CCDC178: variants seen among roughly 807,000 people sequenced by gnomAD.
CCDC178 encodes coiled-coil domain-containing protein 178.
In CCDC178, 126 loss-of-function variants were observed where a neutral mutation model predicts 117.4. The ratio of observed to expected loss-of-function variants is 1.07; its 90% CI spans 0.93 to 1.24. The LOEUF (loss-of-function observed/expected upper bound fraction) is 1.24, where lower values mean the gene tolerates loss of function less well. CCDC178 is among the 50% of genes most tolerant of loss of function. The pLI is 0.00. For missense variants in CCDC178, 1,030 were observed against 986.9 expected (o/e 1.04, Z -0.59); for synonymous variants, 283 against 313.4 (o/e 0.90, Z 1.02).
chr18:33,277,786 A>G (rs1212722919), intron 12 of CCDC178, among the ~76,000 whole-genome samples: 6 of 152,140 alleles, frequency 3.9e-5, no homozygotes, highest in Admixed American at 2.6e-4. Context: ...CAGCCAAAAG[A>G]AAGTTATGCT....
chr18:33,180,594 TCA>T (rs2058723009), intron 20 of CCDC178, among the ~76,000 whole-genome samples: 1 of 152,026 alleles, frequency 6.6e-6, no homozygotes, highest in Non-Finnish European at 1.5e-5. Context: ...TTGTCCAGTG[TCA>T]CATATTTTAA....
intron 20 of CCDC178, among the ~76,000 whole-genome samples, chr18:33,150,026 TG>T (rs1271200666): frequency 6.6e-6 from 1 of 152,196 alleles, no homozygotes; most frequent in Admixed American, 6.5e-5. Context: ...AGCATGGTAC[TG>T]GCATAAAAAT....
chr18:33,024,689 G>A (rs1292302884), intron 21 of CCDC178, among the ~76,000 whole-genome samples: 1 of 151,818 alleles, frequency 6.6e-6, no homozygotes, highest in Non-Finnish European at 1.5e-5. Context: ...TGTCACCCAG[G>A]CTGCAGTGCA....
intron 22 of CCDC178, among the ~76,000 whole-genome samples, chr18:32,973,426 C>A (rs186301106): frequency 1.3e-5 from 2 of 152,134 alleles, no homozygotes; most frequent in Admixed American, 1.3e-4. Flanking sequence ...TAAAATAATG[C>A]AATTGTAGTT....
intron 15 of CCDC178, among the ~76,000 whole-genome samples, chr18:33,228,735 A>G (rs2059337142): frequency 6.6e-6 from 1 of 152,180 alleles, no homozygotes; most frequent in Non-Finnish European, 1.5e-5. Context: ...GAAAGTATTT[A>G]TCACTGGCTG....
intron 2 of CCDC178, among the ~76,000 whole-genome samples, chr18:33,428,651 G>A (rs748103145): frequency 7.0e-6 from 1 of 143,270 alleles, no homozygotes; most frequent in Non-Finnish European, 1.5e-5. Context: ...AGAATCGCTT[G>A]AACCCAGGAG....
chr18:33,356,224 C>T (rs1314119923), intron 7 of CCDC178, 100 bp downstream of exon 7: 6 of 1,209,110 alleles, frequency 5.0e-6, no homozygotes, highest in East Asian at 5.8e-5. Context: ...ATCTTGCATT[C>T]GATTTTCTAT....
intron 9 of CCDC178, among the ~76,000 whole-genome samples, chr18:33,338,111 CAAAAG>C (rs2062766262): frequency 6.6e-6 from 1 of 152,064 alleles, no homozygotes; most frequent in Non-Finnish European, 1.5e-5. Flanking sequence ...AGACAATTCT[CAAAAG>C]AAGATATGCA....
At position 33,328,082 on chromosome 18, in the gene CCDC178, G is replaced by GTTTTTTTTTTTTT. The variant is rs2062609334; in HGVS notation, c.880-4450_880-4449insAAAAAAAAAAAAA. The GTTTTTTTTTTTTT allele has an allele frequency of 1.8e-4, 44 of 242,028 alleles. 14 individuals carry two copies. Among genetic ancestry groups the GTTTTTTTTTTTTT allele is most frequent in the African/African-American group, 1.4e-3 (43 of 30,346 alleles). 15.0% of individuals were successfully genotyped at this position (242,028 alleles called of 1,614,324 possible). A position where few individuals can be genotyped will look rare whatever the true frequency, so the allele number is the denominator to read the frequency against. On this transcript the variant is annotated intron_variant, in intron 10 of 22. Transcript: ENST00000383096. ...CCAAGGTCATAAAGATTTATCCCTA[G>GTTTTTTTTTTTTT]ATTTTTTTTTTTTTTTTTTTTTTTT... is the stretch of plus-strand genomic sequence containing the variant.
Position 33,247,353 on chromosome 18 carries a change from A to G in CCDC178, c.1410-1925T>C, listed in dbSNP as rs550028306. Among the ~76,000 whole-genome samples the G allele has an allele frequency of 1.1e-3, 171 of 151,934 alleles. 1 individual carries two copies. Among genetic ancestry groups the G allele is most frequent in the Middle Eastern group, 3.4e-3 (1 of 294 alleles). On this transcript the variant is annotated intron_variant, in intron 14 of 22. Coordinates refer to ENST00000383096, the MANE Select transcript of CCDC178 (RefSeq NM_001105528.4). Reference sequence around the variant, plus strand: ...AAGAAATCACTGATTTTGTAAAAGGAAAAGAAATTTTGACACACAGCAGAA... The same window carrying G: ...AAGAAATCACTGATTTTGTAAAAGGGAAAGAAATTTTGACACACAGCAGAA...
intron 6 of CCDC178, among the ~76,000 whole-genome samples, chr18:33,369,130 T>C (rs913299372): frequency 3.9e-5 from 6 of 151,930 alleles, no homozygotes; most frequent in African/African-American, 7.2e-5. Context: ...TGGAGAAATA[T>C]AGAAACAACA....
chr18:33,363,337 G>C (rs1027184879), intron 6 of CCDC178, among the ~76,000 whole-genome samples: 2 of 151,980 alleles, frequency 1.3e-5, no homozygotes, highest in Non-Finnish European at 2.9e-5. Context: ...AGAAGCTTCT[G>C]AGCTCTCAAC....
At chr18:33,033,970 C>G (rs1441707529) in intron 21 of CCDC178, among the ~76,000 whole-genome samples, 1 of 151,662 alleles carries the variant, frequency 6.6e-6, no homozygotes, top group Non-Finnish European at 1.5e-5. Flanking sequence ...AACATGTATA[C>G]AAAGACTAGA....
chr18:32,946,040 C>T (rs1437002257), intron 22 of CCDC178, among the ~76,000 whole-genome samples: 1 of 152,100 alleles, frequency 6.6e-6, no homozygotes, highest in Non-Finnish European at 1.5e-5. Flanking sequence ...ATGAACTATA[C>T]TTCCTTATAT....
chr18:33,020,446 T>C (rs1192199281), intron 21 of CCDC178, among the ~76,000 whole-genome samples: 1 of 152,204 alleles, frequency 6.6e-6, no homozygotes, highest in African/African-American at 2.4e-5. Flanking sequence ...TCACTGTTTT[T>C]AATTTACTAG....
chr18:33,185,783 T>C (rs1031239504), intron 20 of CCDC178, among the ~76,000 whole-genome samples: 5 of 152,042 alleles, frequency 3.3e-5, no homozygotes, highest in Non-Finnish European at 5.9e-5. Flanking sequence ...GCTTTTTGTA[T>C]GAAGGTTAAA....
chr18:33,281,781 A>G (rs957590183), intron 12 of CCDC178, among the ~76,000 whole-genome samples: 1 of 152,238 alleles, frequency 6.6e-6, no homozygotes, highest in Admixed American at 6.5e-5. Flanking sequence ...TGTATAATTC[A>G]ACTTTCATTA....
chr18:33,048,175 T>C (rs1268087841), intron 21 of CCDC178, among the ~76,000 whole-genome samples: 1 of 152,174 alleles, frequency 6.6e-6, no homozygotes, highest in African/African-American at 2.4e-5. Flanking sequence ...CAGATCTCTC[T>C]CTAGCATCTT....
chr18:33,359,757 A>G (rs1051806199), intron 6 of CCDC178, among the ~76,000 whole-genome samples: 1 of 151,602 alleles, frequency 6.6e-6, no homozygotes, highest in Non-Finnish European at 1.5e-5. Flanking sequence ...AAAATAGCAA[A>G]TGAAAACAAA....
Sources: allele counts gnomAD v4.1 joint callset (sites outside exome capture counted in the v4.1 genomes callset), GRCh38; gene constraint gnomAD v4.1.1; transcripts MANE v1.5; gene names NCBI Gene and HGNC (gene_info 2026-07-23, HGNC 2026-07-21).